Variants in AP3D1 observed in about 807,000 individuals in gnomAD.
The protein encoded by AP3D1 is adaptor related protein complex 3 subunit delta 1.
AP3D1 carries 51 observed loss-of-function variants against 147.6 expected under a neutral mutation model. The ratio of observed to expected loss-of-function variants is 0.35; its 90% CI spans 0.28 to 0.44. The LOEUF (loss-of-function observed/expected upper bound fraction) is 0.44. Among genes scored for constraint, AP3D1 ranks in the 20% least tolerant of loss-of-function variants. The pLI is 1.00. For synonymous variants in AP3D1, 760 were observed against 663.0 expected, an observed-to-expected ratio of 1.15 and a Z score of -2.25; for missense variants, 1,421 against 1,624.2, an observed-to-expected ratio of 0.87 and a Z score of 2.15.
At chr19:2,148,713 G>T (rs1599498464) in intron 1 of AP3D1, among the ~76,000 whole-genome samples, 1 of 152,218 alleles carries the variant, frequency 6.6e-6, no homozygotes, top group Non-Finnish European at 1.5e-5. Context: ...CAGCCAGTCA[G>T]CCCAAGCACC....
At chr19:2,132,207 T>C (rs1374369919) in intron 5 of AP3D1, among the ~76,000 whole-genome samples, 4 of 151,812 alleles carry the variant, frequency 2.6e-5, no homozygotes, top group Non-Finnish European at 5.9e-5. Context: ...AGGGCAAACA[T>C]CCCCCACCGT....
At chr19:2,125,461 G>A (rs1170529642) in intron 9 of AP3D1, among the ~76,000 whole-genome samples, 2 of 152,004 alleles carry the variant, frequency 1.3e-5, no homozygotes, top group Non-Finnish European at 2.9e-5. Flanking sequence ...GATTACAGGC[G>A]CCCGACACCA....
At chr19:2,159,572 T>C (rs12985258) in intron 1 of AP3D1, among the ~76,000 whole-genome samples, 43,568 of 151,834 alleles carry the variant, frequency 0.29, 7,724 homozygotes, top group Non-Finnish European at 0.41. Context: ...GTATTTTTAG[T>C]AGAGACGGGG....
chr19:2,121,655 A>G, intron 12 of AP3D1, 79 bp downstream of exon 12: 1 of 1,501,110 alleles, frequency 6.7e-7, no homozygotes, highest in Middle Eastern at 1.9e-4. Context: ...CATGCATTCC[A>G]CGTGGCTCTG....
chr19:2,151,943 C>G (rs1306364775), upstream of AP3D1, among the ~76,000 whole-genome samples: 1 of 152,226 alleles, frequency 6.6e-6, no homozygotes, highest in African/African-American at 2.4e-5. Context: ...CTCCGCCTTT[C>G]CTGAATGTAA....
intron 1 of AP3D1, among the ~76,000 whole-genome samples, chr19:2,140,488 T>A (rs1245913792): frequency 6.6e-6 from 1 of 151,726 alleles, no homozygotes; most frequent in Non-Finnish European, 1.5e-5. Flanking sequence ...GACTTTTTTT[T>A]TTTTTGAGAC....
rs987677761 is a variant in AP3D1, at chr19:2,164,217, G to T, written c.-103+139C>A. 12 of 1,281,386 alleles carry T rather than the reference G, an allele frequency of 9.4e-6. No individual in the cohort carries two copies. The African/African-American group carries it at 1.4e-4, about 15-fold the overall frequency. 79.4% of individuals were successfully genotyped at this position (1,281,386 alleles called of 1,614,324 possible). A position where few individuals can be genotyped will look rare whatever the true frequency, so the allele number is the denominator to read the frequency against. On this transcript the variant is annotated intron_variant, in intron 1 of 14. Transcript: ENST00000643010. ...AGAAGCTGGAGCTGAGACTGAAGTC[G>T]CCCGTGGGGGCTGAGCCCGCCGTCT...
In AP3D1 at chr19:2,161,696, C is replaced by T. The variant is rs1194427509; in HGVS notation, c.-103+2660G>A. On this transcript the variant is annotated intron_variant, in intron 1 of 14. Transcript: ENST00000643010. Reference sequence around the variant, plus strand: ...GGGCATGATGGTTTATGCCTGTAATCCCAGCACTTAGGAAGGCTGAGGTGG... The same window carrying T: ...GGGCATGATGGTTTATGCCTGTAATTCCAGCACTTAGGAAGGCTGAGGTGG... 6.6e-5 allele frequency among the ~76,000 whole-genome samples: 10 copies of T among 152,088 alleles called. No individual in the cohort carries two copies. The East Asian group carries it at 1.9e-3, about 29-fold the overall frequency.
Position 2,132,463 on chromosome 19 carries a change from A to C in AP3D1, c.462+8T>G, listed in dbSNP as rs752054319. 2.1e-5 allele frequency: 34 copies of C among 1,595,804 alleles called. No homozygotes were observed. Among genetic ancestry groups the C allele is most frequent in the Non-Finnish European group, 2.9e-5 (34 of 1,164,808 alleles). On this transcript the variant is annotated splice_region_variant and intron_variant, in intron 5 of 31. Transcript: ENST00000643116. ...ATGCAGGGGTGGTGGGCAGGCTTAC[A>C]AACTCACCAGTGTCATGATGTCATT...
At chr19:2,103,826 G>T (rs1304055641) in intron 31 of AP3D1, among the ~76,000 whole-genome samples, 1 of 151,628 alleles carries the variant, frequency 6.6e-6, no homozygotes, top group African/African-American at 2.4e-5. Context: ...GCAGACCCCA[G>T]TGCCAAGACC....
In AP3D1 at chr19:2,142,326, C is replaced by A. The variant is rs1231042740; in HGVS notation, c.97-3612G>T. Among the ~76,000 whole-genome samples, 4 of 151,544 alleles carry A rather than the reference C, an allele frequency of 2.6e-5. No homozygotes were observed. The East Asian group carries it at 5.8e-4, about 22-fold the overall frequency. ...ACTGCACCCGACCTAACATTTTTTA[C>A]TTTTGTAGAGTTGGGGTCTCACTAT... On this transcript the variant is annotated intron_variant, in intron 1 of 31. Transcript: ENST00000643116.
At chr19:2,164,175 G>T in intron 1 of AP3D1, 1 of 1,189,744 alleles carries the variant, frequency 8.4e-7, no homozygotes, top group Non-Finnish European at 1.0e-6. Flanking sequence ...CGGCGGCCGC[G>T]CGCGCGGACA....
chr19:2,123,404 A>C lies in AP3D1; in HGVS notation c.909T>G (p.Leu303=). 1 of 1,613,906 alleles carries C rather than the reference A, an allele frequency of 6.2e-7. No individual in the cohort carries two copies. ...TCAATATCCTTAATTTCTGAACACA[A>C]AGCTGAAAAGAAGAAAAAAACGATG... ...GMPNHSASIQ[L]CVQKLRILIE... Residue 303 remains leucine (L), a splice_region_variant and synonymous_variant, in exon 11 of 32, where the codon CTT becomes CTG. Transcript: ENST00000643116.
intron 9 of AP3D1, 98 bp from the exon 10 acceptor site, chr19:2,123,977 A>G: frequency 7.7e-7 from 1 of 1,304,624 alleles, no homozygotes. Context: ...CGCCGGGAGG[A>G]GGGATGGGAG....
intron 4 of AP3D1, among the ~76,000 whole-genome samples, chr19:2,134,246 T>C (rs2019021028): frequency 6.6e-6 from 1 of 151,978 alleles, no homozygotes; most frequent in South Asian, 2.1e-4. Flanking sequence ...AAACCCTCCC[T>C]GCCTCTACAA....
chr19:2,111,236 A>G (rs1366182320), intron 26 of AP3D1, 49 bp downstream of exon 26: 2 of 1,610,194 alleles, frequency 1.2e-6, no homozygotes, highest in Non-Finnish European at 8.5e-7. Flanking sequence ...ATCCCATGCC[A>G]AAGAGTGTGG....
In AP3D1 at chr19:2,110,704, C is replaced by T. The variant is rs1490109333; in HGVS notation, c.3175+3G>A. The T allele has an allele frequency of 6.3e-7, 1 of 1,592,216 alleles. No individual in the cohort carries two copies. The highest frequency in any genetic ancestry group is 8.5e-7 in the Non-Finnish European group (1 of 1,170,588). Reference sequence around the variant, plus strand: ...GAGAGGCCGTGAGTGGGGCAGGGCTCACCTGGGGGCAGCTGGAAAGGCACG... The same window carrying T: ...GAGAGGCCGTGAGTGGGGCAGGGCTTACCTGGGGGCAGCTGGAAAGGCACG... On this transcript the variant is annotated splice_donor_region_variant and intron_variant, in intron 27 of 31. Transcript: ENST00000643116.
chr19:2,124,798 G>T (rs2018706315), intron 9 of AP3D1, among the ~76,000 whole-genome samples: 1 of 152,178 alleles, frequency 6.6e-6, no homozygotes, highest in African/African-American at 2.4e-5. Context: ...AAAATAAGCG[G>T]GAGTGGTGGA....
intron 9 of AP3D1, among the ~76,000 whole-genome samples, chr19:2,125,901 C>CT (rs2018742304): frequency 6.6e-6 from 1 of 151,594 alleles, no homozygotes; most frequent in African/African-American, 2.4e-5. Flanking sequence ...AATCCCATCA[C>CT]TTTGAGAGGT....
Sources: gnomAD v4.1 joint callset for allele counts (sites outside exome capture counted in the v4.1 genomes callset) on GRCh38, gnomAD v4.1.1 for gene constraint, MANE v1.5 for transcripts, NCBI Gene and HGNC (gene_info 2026-07-23, HGNC 2026-07-21) for gene names.